The following MBOAT1 variants were observed in gnomAD, a reference collection of about 807,000 sequenced individuals.
The protein encoded by MBOAT1 is membrane bound glycerophospholipid O-acyltransferase 1, also known as membrane-bound glycerophospholipid O-acyltransferase 1.
A neutral mutation model predicts 64.4 loss-of-function variants in MBOAT1; 67 were observed. The ratio of observed to expected loss-of-function variants is 1.04; its 90% CI spans 0.85 to 1.27. MBOAT1 has a LOEUF of 1.27. MBOAT1 is among the 50% of genes most tolerant of loss of function. The probability of loss-of-function intolerance (pLI) is 0.00; values close to 1 mark genes in which losing one functional copy is unlikely to be tolerated. For missense variants in MBOAT1, 563 were observed against 604.6 expected, an observed-to-expected ratio of 0.93 and a Z score of 0.72; for synonymous variants, 229 against 218.9, an observed-to-expected ratio of 1.05 and a Z score of -0.41.
At chr6:20,158,246 G>T (rs950749673) in intron 1 of MBOAT1, among the ~76,000 whole-genome samples, 4 of 151,482 alleles carry the variant, frequency 2.6e-5, no homozygotes, top group African/African-American at 9.7e-5. Context: ...CAACAGAATA[G>T]GACAGAGAGT....
chr6:20,104,276 G>A (rs991265802), intron 12 of MBOAT1, among the ~76,000 whole-genome samples: 1 of 152,120 alleles, frequency 6.6e-6, no homozygotes, highest in African/African-American at 2.4e-5. Context: ...GGTAAGCAAC[G>A]TATGACTGTA....
intron 1 of MBOAT1, among the ~76,000 whole-genome samples, chr6:20,191,070 C>T (rs1196136187): frequency 6.6e-6 from 1 of 152,184 alleles, no homozygotes; most frequent in East Asian, 1.9e-4. Flanking sequence ...GAATATGTCC[C>T]TCAAAAGTTC....
chr6:20,127,205 T>G (rs1760680565), intron 6 of MBOAT1, among the ~76,000 whole-genome samples: 1 of 152,190 alleles, frequency 6.6e-6, no homozygotes, highest in Admixed American at 6.5e-5. Flanking sequence ...GTTGTCTGCT[T>G]TGGCAACCAG....
intron 8 of MBOAT1, among the ~76,000 whole-genome samples, chr6:20,121,928 G>A (rs894811449): frequency 2.6e-5 from 4 of 152,132 alleles, no homozygotes; most frequent in Admixed American, 6.5e-5. Flanking sequence ...ACTTTGGGAG[G>A]CTGAGGCGGG....
chr6:20,175,682 G>T (rs1762323987), intron 1 of MBOAT1, among the ~76,000 whole-genome samples: 1 of 149,838 alleles, frequency 6.7e-6, no homozygotes, highest in African/African-American at 2.5e-5. Context: ...GTGTTGTCCA[G>T]ACTGGTCTCA....
intron 1 of MBOAT1, among the ~76,000 whole-genome samples, chr6:20,162,377 A>G (rs1222410443): frequency 6.6e-6 from 1 of 152,158 alleles, no homozygotes; most frequent in Admixed American, 6.6e-5. Context: ...ATCTGCCTGG[A>G]GGTGCCTCAG....
At chr6:20,114,867 T>C (rs1041156420) in intron 10 of MBOAT1, among the ~76,000 whole-genome samples, 4 of 143,952 alleles carry the variant, frequency 2.8e-5, no homozygotes, top group Non-Finnish European at 6.0e-5. Context: ...TTGAGCGACA[T>C]AGCGAAACTC....
intron 1 of MBOAT1, among the ~76,000 whole-genome samples, chr6:20,173,819 CA>C (rs1467199464): frequency 6.6e-6 from 1 of 152,128 alleles, no homozygotes; most frequent in Non-Finnish European, 1.5e-5. Flanking sequence ...GGCATGGTGG[CA>C]GGTGCCTGCA....
intron 1 of MBOAT1, among the ~76,000 whole-genome samples, chr6:20,208,646 C>T (rs532615850): frequency 6.6e-6 from 1 of 152,176 alleles, no homozygotes; most frequent in Admixed American, 6.5e-5. Context: ...TTCTTATCTC[C>T]TGGTCTATTT....
chr6:20,119,986 T>C (rs1760444529), intron 8 of MBOAT1, among the ~76,000 whole-genome samples: 1 of 108,206 alleles, frequency 9.2e-6, no homozygotes, highest in Admixed American at 1.1e-4. Context: ...ATAACTATCT[T>C]TTCTGTGTGT....
intron 2 of MBOAT1, among the ~76,000 whole-genome samples, chr6:20,151,751 T>C (rs1231578960): frequency 6.6e-6 from 1 of 152,230 alleles, no homozygotes; most frequent in African/African-American, 2.4e-5. Context: ...CCAAAGCTTC[T>C]TCCCTAACAC....
chr6:20,180,213 A>G (rs1762471818), intron 1 of MBOAT1, among the ~76,000 whole-genome samples: 2 of 152,132 alleles, frequency 1.3e-5, no homozygotes, highest in African/African-American at 4.8e-5. Flanking sequence ...TGTCATCTCC[A>G]TTACTAGCCT....
chr6:20,140,222 A>G (rs1761130347), intron 4 of MBOAT1, among the ~76,000 whole-genome samples: 1 of 152,186 alleles, frequency 6.6e-6, no homozygotes, highest in Non-Finnish European at 1.5e-5. Flanking sequence ...ATTTAATTCA[A>G]TGGCAATTAT....
At chr6:20,195,605 C>CTG (rs10540923) in intron 1 of MBOAT1, among the ~76,000 whole-genome samples, 21,767 of 149,496 alleles carry the variant, frequency 0.15, 1,623 homozygotes, top group South Asian at 0.2. Flanking sequence ...AATAAATTGC[C>CTG]TGTGTGTGTG....
At chr6:20,208,317 G>A (rs944864194) in intron 1 of MBOAT1, among the ~76,000 whole-genome samples, 4 of 151,752 alleles carry the variant, frequency 2.6e-5, no homozygotes, top group African/African-American at 7.3e-5. Flanking sequence ...ATGGTGGCGC[G>A]CTCCAGTAAT....
chr6:20,189,532 C>T (rs1762745211), intron 1 of MBOAT1, among the ~76,000 whole-genome samples: 2 of 152,156 alleles, frequency 1.3e-5, no homozygotes, highest in South Asian at 4.1e-4. Context: ...TCCCAAATAG[C>T]TGGGATTACA....
intron 1 of MBOAT1, among the ~76,000 whole-genome samples, chr6:20,184,469 C>G (rs1762593261): frequency 6.6e-6 from 1 of 152,120 alleles, no homozygotes; most frequent in Non-Finnish European, 1.5e-5. Flanking sequence ...GACAATGACC[C>G]TTGGGAGTGG....
At chr6:20,114,902 AT>A (rs1181134867) in intron 10 of MBOAT1, among the ~76,000 whole-genome samples, 1 of 148,056 alleles carries the variant, frequency 6.8e-6, no homozygotes, top group Non-Finnish European at 1.5e-5. Context: ...AAAAAAAAAA[AT>A]TTAATTCTGA....
chr6:20,132,662 G>A (rs778094188), intron 4 of MBOAT1, among the ~76,000 whole-genome samples: 2 of 152,300 alleles, frequency 1.3e-5, no homozygotes, highest in Non-Finnish European at 2.9e-5. Context: ...GTGACTTCAG[G>A]TTACGCACTG....
Sources: allele counts gnomAD v4.1 joint callset (sites outside exome capture counted in the v4.1 genomes callset), GRCh38; gene constraint gnomAD v4.1.1; transcripts MANE v1.5; gene names NCBI Gene and HGNC (gene_info 2026-07-23, HGNC 2026-07-21).